IKBKB: variants seen among roughly 807,000 people sequenced by gnomAD.
The protein encoded by IKBKB is inhibitor of nuclear factor kappa-B kinase subunit beta.
IKBKB carries 42 observed loss-of-function variants against 113.6 expected under a neutral mutation model. The observed-to-expected ratio is 0.37, with a 90% CI of 0.29 to 0.48. The LOEUF (loss-of-function observed/expected upper bound fraction) is 0.48. Ranked by LOEUF, IKBKB falls within the 20% of genes least tolerant of loss-of-function variation. The pLI, the probability that IKBKB is intolerant of heterozygous loss-of-function variation, is 0.99. For synonymous variants in IKBKB, 296 were observed against 361.3 expected (o/e 0.82, Z 2.05); for missense variants, 673 against 939.7 (o/e 0.72, Z 3.71).
At chr8:42,310,039 A>G (rs1817410850) in intron 8 of IKBKB, among the ~76,000 whole-genome samples, 1 of 152,206 alleles carries the variant, frequency 6.6e-6, no homozygotes, top group South Asian at 2.1e-4. Flanking sequence ...GTTGTACAGG[A>G]TAAATATAGA....
At position 42,314,439 on chromosome 8, in the gene IKBKB, A is replaced by G. The variant is rs1818288214; in HGVS notation, c.800+10A>G. On this transcript the variant is annotated intron_variant, in intron 9 of 21. Transcript: ENST00000520810. Reference sequence around the variant, plus strand: ...CCAATAATCTTAACAGGTAAGGCACAGCGGCATTACACGAATACATATCTT... The same window carrying G: ...CCAATAATCTTAACAGGTAAGGCACGGCGGCATTACACGAATACATATCTT... 6.7e-7 allele frequency: 1 copy of G among 1,495,412 alleles called. No individual in the cohort carries two copies. Among genetic ancestry groups the G allele is most frequent in the African/African-American group, 1.4e-5 (1 of 72,652 alleles). 92.6% of individuals were successfully genotyped at this position (1,495,412 alleles called of 1,614,324 possible).
chr8:42,284,435 A>G (rs2130214782), intron 2 of IKBKB, among the ~76,000 whole-genome samples: 1 of 152,188 alleles, frequency 6.6e-6, no homozygotes, highest in East Asian at 1.9e-4. Flanking sequence ...ACAAAAAATT[A>G]GCCGGGCGTG....
chr8:42,306,220 T>G, intron 6 of IKBKB, 123 bp from the exon 7 acceptor site: 1 of 633,370 alleles, frequency 1.6e-6, no homozygotes, highest in Non-Finnish European at 2.9e-6. Context: ...CTCTTAGGAG[T>G]TTGGGATCTA....
intron 5 of IKBKB, among the ~76,000 whole-genome samples, chr8:42,294,281 C>T (rs58758415): frequency 0.03 from 4,616 of 152,302 alleles, 203 homozygotes; most frequent in African/African-American, 0.099. Flanking sequence ...CCATTTTCAT[C>T]CCTCCACTAC....
intron 5 of IKBKB, 82 bp downstream of exon 5, chr8:42,293,594 C>G (rs1813103829): frequency 6.2e-7 from 1 of 1,609,656 alleles, no homozygotes; most frequent in Non-Finnish European, 8.5e-7. Flanking sequence ...GCCCTGCAGG[C>G]AGACACTTCA....
In IKBKB at chr8:42,295,116, C is replaced by CTT. The variant is rs903163193; in HGVS notation, c.388+1623_388+1624dup. On this transcript the variant is annotated intron_variant, in intron 5 of 21. Coordinates refer to ENST00000520810, the MANE Select transcript of IKBKB (RefSeq NM_001556.3). ...TTTAGCAAGTAGTTATTACGAAAGTCTTTTTTTTTTTTTTTTTTTTGAGAT... is the reference window on the plus strand; with the variant it reads ...TTTAGCAAGTAGTTATTACGAAAGTCTTTTTTTTTTTTTTTTTTTTTTGAGAT... 3.6e-3 allele frequency among the ~76,000 whole-genome samples: 407 copies of CTT among 113,782 alleles called. 11 individuals carry two copies. The highest frequency in any genetic ancestry group is 8.6e-3 in the African/African-American group (267 of 30,868). 74.6% of individuals were successfully genotyped at this position (113,782 alleles called of 152,430 possible). A position where few individuals can be genotyped will look rare whatever the true frequency, so the allele number is the denominator to read the frequency against.
At chr8:42,285,135 C>T (rs1003358423) in intron 2 of IKBKB, among the ~76,000 whole-genome samples, 1 of 152,128 alleles carries the variant, frequency 6.6e-6, no homozygotes, top group African/African-American at 2.4e-5. Context: ...GGATTACAGG[C>T]ATGAGCCACC....
chr8:42,305,236 A>C lies in IKBKB; in HGVS notation c.438A>C (p.Leu146=). Residue 146 remains leucine, a synonymous_variant, in exon 6 of 22, where the codon CTA becomes CTC. Transcript: ENST00000520810. The stretch of plus-strand genomic sequence containing the variant: ...AAAACAGAATCATCCATCGGGATCT[A>C]AAGCCAGAAAACATCGTCCTGCAGC... The part of the protein sequence containing the change: ...LHENRIIHRD[L]KPENIVLQQG... 6.2e-7 allele frequency: 1 copy of C among 1,613,908 alleles called. No individual in the cohort carries two copies. The highest frequency in any genetic ancestry group is 1.3e-5 in the African/African-American group (1 of 75,024).
At position 42,321,047 on chromosome 8, in the gene IKBKB, G is replaced by C. The variant is rs182663213; in HGVS notation, c.1688+203G>C. ...GACAAGAAAAACAGTCTTAAGTCAC[G>C]AAGTTGTAAGGATGAATTCAGATAA... On this transcript the variant is annotated intron_variant, in intron 16 of 21. Transcript: ENST00000520810. 5 of 474,122 alleles carry C rather than the reference G, an allele frequency of 1.1e-5. No individual in the cohort carries two copies. The East Asian group carries it at 1.8e-4, about 17-fold the overall frequency. 29.4% of individuals were successfully genotyped at this position (474,122 alleles called of 1,614,324 possible). A position where few individuals can be genotyped will look rare whatever the true frequency, so the allele number is the denominator to read the frequency against.
At chr8:42,319,474 T>C in intron 14 of IKBKB, 53 bp downstream of exon 14, 1 of 1,608,014 alleles carries the variant, frequency 6.2e-7, no homozygotes. Context: ...TTTCTTTTTC[T>C]CTTTCTAAGG....
intron 8 of IKBKB, among the ~76,000 whole-genome samples, chr8:42,311,523 T>C (rs2130589973): frequency 7.3e-6 from 1 of 137,068 alleles, no homozygotes; most frequent in East Asian, 2.1e-4. Flanking sequence ...ATTGCGCTGT[T>C]GCACTTCAGT....
At chr8:42,276,712 G>GTT (rs554087008) in intron 2 of IKBKB, among the ~76,000 whole-genome samples, 16 of 138,558 alleles carry the variant, frequency 1.2e-4, no homozygotes, top group Non-Finnish European at 1.6e-4. Flanking sequence ...ATGTTTTCTT[G>GTT]TTTTTTTTTT....
rs141011268 is a variant in IKBKB, at chr8:42,284,707, A to G, written c.106-3927A>G. On this transcript the variant is annotated intron_variant, in intron 2 of 21. Coordinates refer to ENST00000520810, the MANE Select transcript of IKBKB (RefSeq NM_001556.3). ...AGGCAGAGCTGCTGTGGATGAAGCT[A>G]CCACAGAACTGGGCAAAAATGTGTC... Among the ~76,000 whole-genome samples the G allele has an allele frequency of 1.9e-3, 292 of 152,278 alleles. 2 individuals carry two copies. The highest frequency in any genetic ancestry group is 6.7e-3 in the African/African-American group (280 of 41,550).
At chr8:42,274,899 T>G (rs1281278826) in intron 2 of IKBKB, among the ~76,000 whole-genome samples, 1 of 141,792 alleles carries the variant, frequency 7.1e-6, no homozygotes, top group Non-Finnish European at 1.5e-5. Flanking sequence ...TTTTTTGAGA[T>G]GGATTCTTGC....
chr8:42,306,747 G>A (rs1046702679), intron 7 of IKBKB, among the ~76,000 whole-genome samples: 1 of 152,168 alleles, frequency 6.6e-6, no homozygotes, highest in African/African-American at 2.4e-5. Flanking sequence ...GGTCTTGAGC[G>A]GTCCTCCCAC....
chr8:42,275,196 T>G (rs1157294981), intron 2 of IKBKB, among the ~76,000 whole-genome samples: 1 of 151,072 alleles, frequency 6.6e-6, no homozygotes, highest in East Asian at 1.9e-4. Context: ...TTTTAATTTT[T>G]AATTTCTTTG....
chr8:42,290,123 T>G, intron 3 of IKBKB, 33 bp from the exon 4 acceptor site: 1 of 1,500,468 alleles, frequency 6.7e-7, no homozygotes, highest in African/African-American at 1.4e-5. Flanking sequence ...GGCAGGAGCC[T>G]GGGTCTGCTC....
intron 2 of IKBKB, chr8:42,272,451 A>G (rs1807982753): frequency 8.4e-6 from 5 of 594,958 alleles, no homozygotes; most frequent in African/African-American, 1.9e-5. Flanking sequence ...AGTCTCTATT[A>G]TATATATATG....
Position 42,321,911 on chromosome 8 carries a change from G to A in IKBKB, c.1704G>A (p.Arg568=). 1.9e-6 allele frequency: 3 copies of A among 1,610,520 alleles called. No homozygotes were observed. Among genetic ancestry groups the A allele is most frequent in the Non-Finnish European group, 1.7e-6 (2 of 1,178,660 alleles). ...TATATTTTAGAGAGGAGCAAGCAAG[G>A]GAGCTGTACAGGAGACTAAGGGAAA... ...GTLDDLEEQA[R]ELYRRLREKP... The change falls in exon 17 of 22, where the codon AGG becomes AGA. Residue 568 remains arginine, a synonymous_variant. Coordinates refer to ENST00000520810, the MANE Select transcript of IKBKB (RefSeq NM_001556.3).
Sources: allele counts gnomAD v4.1 joint callset (sites outside exome capture counted in the v4.1 genomes callset), GRCh38; gene constraint gnomAD v4.1.1; transcripts MANE v1.5; gene names NCBI Gene and HGNC (gene_info 2026-07-23, HGNC 2026-07-21).